The following MAP4 variants were observed in gnomAD, a reference collection of about 807,000 sequenced individuals.
MAP4 encodes the protein microtubule associated protein 4.
A neutral mutation model predicts 170.2 loss-of-function variants in MAP4; 76 were observed. The observed-to-expected ratio is 0.45, with a 90% CI of 0.37 to 0.54. MAP4 has a LOEUF of 0.54. Ranked by LOEUF, MAP4 falls within the 20% of genes least tolerant of loss-of-function variation. MAP4 has a pLI of 0.00. For synonymous variants in MAP4, 909 were observed against 994.5 expected (o/e 0.91, Z 1.62); for missense variants, 2,506 against 2,748.0 (o/e 0.91, Z 1.97).
In MAP4 at chr3:48,052,285, G is replaced by A. The variant is rs529802854; in HGVS notation, c.-20+36488C>T. On this transcript the variant is annotated intron_variant, in intron 1 of 18. Transcript: ENST00000360240. The stretch of plus-strand genomic sequence containing the variant: ...CGCCCAGGCTGGAGTGCGGTGGCGC[G>A]ATCTTGGCTCACTGCAACCTCCACG... 4.0e-4 allele frequency among the ~76,000 whole-genome samples: 61 copies of A among 152,206 alleles called. 1 individual carries two copies. Among genetic ancestry groups the A allele is most frequent in the African/African-American group, 4.8e-4 (20 of 41,528 alleles).
intron 10 of MAP4, among the ~76,000 whole-genome samples, chr3:47,900,842 GAA>G (rs2100029610): frequency 6.6e-6 from 1 of 152,130 alleles, no homozygotes; most frequent in Non-Finnish European, 1.5e-5. Flanking sequence ...CTCCCCAAAA[GAA>G]AAGAGAATCA....
chr3:47,908,440 G>T (rs2100034281), intron 9 of MAP4, among the ~76,000 whole-genome samples: 1 of 152,168 alleles, frequency 6.6e-6, no homozygotes, highest in Non-Finnish European at 1.5e-5. Flanking sequence ...GTCAAAAAAT[G>T]TATCTGTATC....
intron 1 of MAP4, among the ~76,000 whole-genome samples, chr3:48,049,224 A>G (rs2100126230): frequency 1.3e-5 from 2 of 152,236 alleles, no homozygotes; most frequent in African/African-American, 4.8e-5. Flanking sequence ...TAAGTCTGCT[A>G]TGAACAGTTA....
At chr3:48,076,475 C>G (rs1464747668) in intron 1 of MAP4, among the ~76,000 whole-genome samples, 1 of 150,924 alleles carries the variant, frequency 6.6e-6, no homozygotes, top group African/African-American at 2.4e-5. Flanking sequence ...GCACTCCAGC[C>G]TGGGTGACAG....
chr3:47,912,337 G>T lies in MAP4; in HGVS notation c.2084C>A (p.Pro695His). The T allele has an allele frequency of 6.5e-7, 1 of 1,536,108 alleles. No individual in the cohort carries two copies. Among genetic ancestry groups the T allele is most frequent in the Non-Finnish European group, 8.7e-7 (1 of 1,146,864 alleles). ...CAGCAGCTCAGGAGGGACCCTGGCA[G>T]GCTTGGGCCGGGTTGACCTGCGGTC... ...PSDRRSTRPK[P>H]ARVPPELLGG... The change falls in exon 9 of 21, where the codon CCT becomes CAT. Residue 695 changes from proline to histidine, a missense_variant. Pro to His is a moderately conservative substitution (Grantham distance 77, BLOSUM62 -2). Around this residue, in one of 3 missense-constraint regions of MAP4, gnomAD observed 2,008 missense variants for 2,206.0 expected, o/e 0.91. Coordinates refer to ENST00000683076, the MANE Select transcript of MAP4 (RefSeq NM_001385682.1).
In MAP4 at chr3:47,853,160, T is replaced by TA; in HGVS notation, c.6886+2dup. 6.3e-7 allele frequency: 1 copy of TA among 1,598,832 alleles called. No homozygotes were observed. Among genetic ancestry groups the TA allele is most frequent in the Non-Finnish European group, 8.5e-7 (1 of 1,171,690 alleles). ...GGCCCTTAGGCCGAGCCCAGCCACT[T>TA]ACTTGTCTCCTGGATCTGGCTGTCC... On this transcript the variant is annotated splice_region_variant and intron_variant, in intron 20 of 20. Transcript: ENST00000683076.
chr3:47,914,927 C>T lies in MAP4; in HGVS notation c.1889G>A (p.Gly630Glu). 1 of 1,613,912 alleles carries T rather than the reference C, an allele frequency of 6.2e-7. No homozygotes were observed. The highest frequency in any genetic ancestry group is 1.7e-5 in the Admixed American group (1 of 59,988). The change falls in exon 8 of 21, where the codon GGA (glycine) becomes GAA (glutamate). Residue 630 changes from glycine (G) to glutamate (E), a missense_variant. Transcript: ENST00000683076. ...CGGCAAGCTGCACTTTTTCCCCGTT[C>T]CTGTGACGGTTTCTAAAGGTAATAA... The part of the protein sequence containing the change: ...TFMISPETVT[G>E]TGKKCSLPAE...
chr3:48,066,314 A>G (rs1559891236), intron 1 of MAP4, among the ~76,000 whole-genome samples: 1 of 152,104 alleles, frequency 6.6e-6, no homozygotes, highest in Non-Finnish European at 1.5e-5. Flanking sequence ...ACTATCTTAT[A>G]AGAAAGTTAC....
At chr3:47,990,463 C>T (rs1578898964) in intron 2 of MAP4, among the ~76,000 whole-genome samples, 1 of 152,186 alleles carries the variant, frequency 6.6e-6, no homozygotes, top group East Asian at 1.9e-4. Context: ...ATGCAAAAAA[C>T]TTAGCCAGGC....
At chr3:47,862,408 C>T (rs1180287555) in intron 17 of MAP4, among the ~76,000 whole-genome samples, 1 of 135,656 alleles carries the variant, frequency 7.4e-6, no homozygotes, top group Admixed American at 7.4e-5. Context: ...GTAAAAACAG[C>T]TTAAGATTAA....
intron 9 of MAP4, among the ~76,000 whole-genome samples, chr3:47,903,495 T>C (rs532063598): frequency 2.7e-5 from 4 of 147,106 alleles, no homozygotes; most frequent in Non-Finnish European, 4.4e-5. Flanking sequence ...ATCGCGCCAC[T>C]GCACTCTCGC....
intron 8 of MAP4, among the ~76,000 whole-genome samples, chr3:47,913,044 T>G (rs2100036763): frequency 6.6e-6 from 1 of 152,200 alleles, no homozygotes; most frequent in South Asian, 2.1e-4. Context: ...AGCATCCTAC[T>G]TTGAAAGACA....
rs966988553 is a variant in MAP4, at chr3:47,925,064, C to T, written c.415+3164G>A. Among the ~76,000 whole-genome samples the T allele has an allele frequency of 3.3e-5, 5 of 152,176 alleles. No individual in the cohort carries two copies. The East Asian group carries it at 5.8e-4, about 18-fold the overall frequency. On this transcript the variant is annotated intron_variant, in intron 4 of 20. Transcript: ENST00000683076. ...TGACCTCGTGATCCACCTGCCTCAG[C>T]CTCCCAAAGTGCTGTGATTACAGGC...
chr3:47,998,022 CA>C (rs2100096911), intron 2 of MAP4, among the ~76,000 whole-genome samples: 1 of 152,094 alleles, frequency 6.6e-6, no homozygotes, highest in Non-Finnish European at 1.5e-5. Flanking sequence ...GAAAAAATAT[CA>C]ATTCTATGCA....
intron 1 of MAP4, among the ~76,000 whole-genome samples, chr3:48,023,035 G>T (rs887460548): frequency 6.6e-6 from 1 of 152,158 alleles, no homozygotes; most frequent in African/African-American, 2.4e-5. Flanking sequence ...CAAGAGAAAT[G>T]AAATGCAATC....
In MAP4 at chr3:47,916,922, A is replaced by T; in HGVS notation, c.905T>A (p.Leu302Gln). 6.2e-7 allele frequency: 1 copy of T among 1,614,168 alleles called. No individual in the cohort carries two copies. Among genetic ancestry groups the T allele is most frequent in the African/African-American group, 1.3e-5 (1 of 75,044 alleles). Residue 302 changes from leucine (L) to glutamine (Q), a missense_variant, in exon 7 of 21, where the codon CTA becomes CAA. This residue lies in a region of MAP4 where 2,008 missense variants were observed against 2,206.0 expected (regional missense o/e 0.91). Transcript: ENST00000683076. ...TGTGGGTAGTTCCATGTCCTTGACT[A>T]GGGCCATATCTGATTCCATGGATGG... ...MQPSMESDMA[L>Q]VKDMELPTEK...
At chr3:48,032,587 C>T (rs1488685446) in intron 1 of MAP4, among the ~76,000 whole-genome samples, 2 of 151,932 alleles carry the variant, frequency 1.3e-5, no homozygotes, top group African/African-American at 4.8e-5. Context: ...ATCGCTTGAA[C>T]CCAGGAGACA....
intron 10 of MAP4, among the ~76,000 whole-genome samples, chr3:47,887,312 C>T (rs1368129173): frequency 6.6e-6 from 1 of 152,242 alleles, no homozygotes; most frequent in Non-Finnish European, 1.5e-5. Context: ...AGCCAGCCAG[C>T]CCTGCTGGCC....
chr3:47,950,940 T>C (rs2100063323), intron 3 of MAP4, among the ~76,000 whole-genome samples: 1 of 152,220 alleles, frequency 6.6e-6, no homozygotes. Context: ...AGCTGTGGTC[T>C]GTAACTTGAC....
Sources: allele counts gnomAD v4.1 joint callset (sites outside exome capture counted in the v4.1 genomes callset), GRCh38; gene constraint gnomAD v4.1.1; regional missense constraint gnomAD v4.1.1; transcripts MANE v1.5; gene names NCBI Gene and HGNC (gene_info 2026-07-23, HGNC 2026-07-21).